Variants in HP1BP3 observed in about 807,000 individuals in gnomAD.
The protein encoded by HP1BP3 is heterochromatin protein 1 binding protein 3.
Under a neutral mutation model 62.5 loss-of-function variants are expected in HP1BP3, and 12 were observed. The ratio of observed to expected loss-of-function variants is 0.19; its 90% CI spans 0.12 to 0.31. The LOEUF (loss-of-function observed/expected upper bound fraction) is 0.31. HP1BP3 is among the 10% of genes least tolerant of loss of function. The pLI, the probability that HP1BP3 is intolerant of heterozygous loss-of-function variation, is 1.00. For missense variants in HP1BP3, 502 were observed against 651.8 expected (o/e 0.77, Z 2.50); for synonymous variants, 260 against 237.8 (o/e 1.09, Z -0.86).
At chr1:20,772,977 C>T (rs2057127940) in intron 5 of HP1BP3, among the ~76,000 whole-genome samples, 1 of 152,026 alleles carries the variant, frequency 6.6e-6, no homozygotes, top group South Asian at 2.1e-4. Context: ...TAACCACTAC[C>T]AAGATCACTT....
At chr1:20,766,190 C>T (rs2154540703) in intron 7 of HP1BP3, among the ~76,000 whole-genome samples, 1 of 152,260 alleles carries the variant, frequency 6.6e-6, no homozygotes, top group East Asian at 1.9e-4. Context: ...ACTCAGGAGG[C>T]TGAGGCAGGA....
chr1:20,764,090 A>T (rs1203476258), intron 8 of HP1BP3, among the ~76,000 whole-genome samples: 2 of 152,150 alleles, frequency 1.3e-5, no homozygotes, highest in Admixed American at 1.3e-4. Context: ...TTCCCAACAC[A>T]TATAATTTCA....
At chr1:20,765,175 T>TAAA (rs4057761) in intron 8 of HP1BP3, among the ~76,000 whole-genome samples, 37 of 57,322 alleles carry the variant, frequency 6.5e-4, no homozygotes, top group African/African-American at 7.9e-4. Context: ...CTCAAAAAAC[T>TAAA]AAAAAAAAAA....
At chr1:20,769,196 G>A (rs1328605043) in intron 6 of HP1BP3, among the ~76,000 whole-genome samples, 2 of 152,126 alleles carry the variant, frequency 1.3e-5, no homozygotes, top group South Asian at 4.1e-4. Context: ...CAACTCAAGC[G>A]ATCCTCCTGC....
In HP1BP3 at chr1:20,770,106, C is replaced by A. The variant is rs377526149; in HGVS notation, c.654+824G>T. 1.5e-3 allele frequency among the ~76,000 whole-genome samples: 235 copies of A among 152,230 alleles called. 14 individuals are homozygous for A. The South Asian group carries it at 0.048, about 31-fold the overall frequency. ...TGGTTCTAAGTTTCCATGCACTATG[C>A]AAGATAAAGTAGATTTATGCCTGAA... On this transcript the variant is annotated intron_variant, in intron 6 of 12. Transcript: ENST00000438032.
chr1:20,763,628 C>G (rs188515440), intron 8 of HP1BP3, among the ~76,000 whole-genome samples: 25 of 152,330 alleles, frequency 1.6e-4, no homozygotes, highest in Admixed American at 1.6e-3. Context: ...TCATCTCACA[C>G]AAACACTCTC....
chr1:20,775,727 T>C (rs377094660), intron 4 of HP1BP3: 8 of 376,192 alleles, frequency 2.1e-5, no homozygotes, highest in Non-Finnish European at 3.8e-5. Flanking sequence ...TACTTACCGT[T>C]GTGTTATAAC....
At chr1:20,760,325 G>GC (rs766824078) in intron 8 of HP1BP3, among the ~76,000 whole-genome samples, 19 of 152,234 alleles carry the variant, frequency 1.2e-4, no homozygotes, top group Admixed American at 4.6e-4. Flanking sequence ...ATCACTTGAG[G>GC]CCAGGAGTTA....
At chr1:20,764,980 C>T (rs902928363) in intron 8 of HP1BP3, among the ~76,000 whole-genome samples, 5 of 151,562 alleles carry the variant, frequency 3.3e-5, no homozygotes, top group Non-Finnish European at 7.4e-5. Flanking sequence ...ACCAGCCTGG[C>T]CAACATGATG....
At chr1:20,749,938 C>A in intron 9 of HP1BP3, 56 bp from the exon 10 acceptor site, 2 of 1,573,128 alleles carry the variant, frequency 1.3e-6, no homozygotes, top group South Asian at 2.4e-5. Context: ...CAAAGCAGGT[C>A]AAGACAAGAC....
intron 11 of HP1BP3, among the ~76,000 whole-genome samples, 156 bp downstream of exon 11, chr1:20,747,388 G>C (rs2055406658): frequency 6.6e-6 from 1 of 152,138 alleles, no homozygotes; most frequent in South Asian, 2.1e-4. Context: ...ATGCGCATTT[G>C]GGTATGCGGG....
intron 8 of HP1BP3, among the ~76,000 whole-genome samples, chr1:20,764,343 T>C (rs1245706071): frequency 6.6e-6 from 1 of 151,818 alleles, no homozygotes; most frequent in East Asian, 2.0e-4. Flanking sequence ...TCCTTTTTAC[T>C]CTTATGGTTT....
rs113717726 is a variant in HP1BP3, at chr1:20,767,572, T to C, written c.735+12A>G. ...GCTCCACAGCACTCAAACTGTGGTA[T>C]AGATGTCTTACCTTTCTGTTTCTGG... On this transcript the variant is annotated intron_variant, in intron 7 of 12. Coordinates refer to ENST00000438032, the MANE Select transcript of HP1BP3 (RefSeq NM_001372052.1). The C allele has an allele frequency of 1.7e-4, 270 of 1,569,522 alleles. 1 individual carries two copies. In the African/African-American group the frequency reaches 2.7e-3, roughly 16 times the overall value.
Position 20,757,218 on chromosome 1 carries a change from T to C in HP1BP3, c.929A>G (p.Glu310Gly). The C allele has an allele frequency of 6.2e-7, 1 of 1,612,734 alleles. No homozygotes were observed. Among genetic ancestry groups the C allele is most frequent in the Non-Finnish European group, 8.5e-7 (1 of 1,179,464 alleles). ...AGTTATCTGTTCTAACTGGCCCCTC[T>C]CTACTGCTCTCTGCAGAGCGTTCTT... ...LLKNALQRAV[E>G]RGQLEQITGK... Residue 310 changes from glutamate to glycine, a missense_variant, in exon 9 of 13, where the codon GAG becomes GGG. By Grantham distance (98) the Glu-to-Gly change is moderately conservative. Transcript: ENST00000438032.
rs1410631564 is a variant in HP1BP3 at position 20,744,474 on chromosome 1, G to C, written c.*323C>G. 1 of 224,296 alleles carries C rather than the reference G, an allele frequency of 4.5e-6. No individual in the cohort carries two copies. The highest frequency in any genetic ancestry group is 8.7e-6 in the Non-Finnish European group (1 of 114,662). The allele number at this position is 224,296 out of a possible 1,614,324, so 13.9% of individuals were successfully genotyped here. ...TCTCTGCAACTGTTTAGATAAAATT[G>C]GAAGAAAAAAAAAAGGCAAAGCTGA... On this transcript the variant is annotated 3_prime_UTR_variant, in exon 13 of 13. Transcript: ENST00000438032.
chr1:20,758,512 A>C (rs1339643231), intron 8 of HP1BP3, among the ~76,000 whole-genome samples: 1 of 151,992 alleles, frequency 6.6e-6, no homozygotes, highest in South Asian at 2.1e-4. Flanking sequence ...ACGCCCGGCT[A>C]ATTTTTTGTA....
At chr1:20,786,958 C>A (rs995316203) in intron 1 of HP1BP3, among the ~76,000 whole-genome samples, 13 of 151,936 alleles carry the variant, frequency 8.6e-5, no homozygotes, top group Non-Finnish European at 1.8e-4. Context: ...CGCCGGAGGG[C>A]CCCTGAGGAG....
At chr1:20,775,793 C>A in intron 4 of HP1BP3, 1 of 534,574 alleles carries the variant, frequency 1.9e-6, no homozygotes, top group Non-Finnish European at 3.2e-6. Context: ...CTAGAAGCAA[C>A]AGACTATCCC....
intron 9 of HP1BP3, among the ~76,000 whole-genome samples, chr1:20,756,756 C>T (rs1007683882): frequency 6.6e-6 from 1 of 152,172 alleles, no homozygotes; most frequent in Non-Finnish European, 1.5e-5. Context: ...CGCTCTGTCA[C>T]CTAGCCTAGA....
Sources: gnomAD v4.1 joint callset for allele counts (sites outside exome capture counted in the v4.1 genomes callset) on GRCh38, gnomAD v4.1.1 for gene constraint, MANE v1.5 for transcripts, NCBI Gene and HGNC (gene_info 2026-07-23, HGNC 2026-07-21) for gene names.